The following SEM1 variants were observed in gnomAD, a reference collection of about 807,000 sequenced individuals.
SEM1 encodes the protein 26S proteasome complex subunit SEM1.
A neutral mutation model predicts 12.7 loss-of-function variants in SEM1; 3 were observed. The observed-to-expected ratio is 0.24, with a 90% confidence interval of 0.11 to 0.61. The LOEUF (loss-of-function observed/expected upper bound fraction) is 0.61. SEM1 is among the 20% of genes least tolerant of loss of function. The pLI is 0.88. For synonymous variants in SEM1, 30 were observed against 27.8 expected, an observed-to-expected ratio of 1.08 and a Z score of -0.25; for missense variants, 59 against 81.3, an observed-to-expected ratio of 0.73 and a Z score of 1.06.
chr7:96,646,053 C>T, intron 2 of SEM1: 1 of 395,642 alleles, frequency 2.5e-6, no homozygotes, highest in Non-Finnish European at 4.5e-6. Context: ...AGATATATAT[C>T]CCTCCCTATT....
chr7:96,636,486 A>C (rs1387361606), intron 2 of SEM1, among the ~76,000 whole-genome samples: 2 of 152,008 alleles, frequency 1.3e-5, no homozygotes, highest in Non-Finnish European at 2.9e-5. Context: ...GTGAAGTTAG[A>C]AATGGAGAAA....
At chr7:96,520,944 C>G (rs906914453) in intron 2 of SEM1, among the ~76,000 whole-genome samples, 2 of 151,982 alleles carry the variant, frequency 1.3e-5, no homozygotes, top group Non-Finnish European at 2.9e-5. Context: ...CTGAGAGCCC[C>G]GTAATTCTCA....
chr7:96,615,855 A>C (rs1209311234), intron 2 of SEM1, among the ~76,000 whole-genome samples: 3 of 152,046 alleles, frequency 2.0e-5, no homozygotes, highest in African/African-American at 7.2e-5. Context: ...AAGTTATTTC[A>C]CTTAGGATAA....
At chr7:96,532,009 C>G (rs1345217584) in intron 2 of SEM1, among the ~76,000 whole-genome samples, 1 of 152,000 alleles carries the variant, frequency 6.6e-6, no homozygotes, top group Non-Finnish European at 1.5e-5. Flanking sequence ...TTCTTGAGAT[C>G]CCATGGCCTC....
chr7:96,484,008 A>G (rs1802651321), intron 3 of SEM1: 1 of 1,477,208 alleles, frequency 6.8e-7, no homozygotes, highest in Admixed American at 2.4e-5. Flanking sequence ...AGAATGATAA[A>G]TGCTGTGGGC....
chr7:96,565,842 C>T (rs1389543493), intron 2 of SEM1, among the ~76,000 whole-genome samples: 1 of 151,754 alleles, frequency 6.6e-6, no homozygotes, highest in Non-Finnish European at 1.5e-5. Context: ...AAATATCAAC[C>T]TCTCAACAAG....
At chr7:96,571,885 T>C (rs1806042493) in intron 2 of SEM1, among the ~76,000 whole-genome samples, 1 of 151,356 alleles carries the variant, frequency 6.6e-6, no homozygotes, top group Admixed American at 6.6e-5. Context: ...GCTTCTCTTT[T>C]AGAACTGGGC....
At chr7:96,485,630 C>T (rs1437829456) in intron 2 of SEM1, among the ~76,000 whole-genome samples, 2 of 137,752 alleles carry the variant, frequency 1.5e-5, no homozygotes, top group East Asian at 2.1e-4. Flanking sequence ...GCAACCTTGG[C>T]CTCCTGGGTT....
intron 1 of SEM1, among the ~76,000 whole-genome samples, chr7:96,495,219 A>G (rs916437198): frequency 6.6e-6 from 1 of 152,220 alleles, no homozygotes; most frequent in Non-Finnish European, 1.5e-5. Context: ...CATGCAGCCA[A>G]ATTAGCTCAT....
At chr7:96,541,982 T>C (rs988775905) in intron 2 of SEM1, among the ~76,000 whole-genome samples, 5 of 146,578 alleles carry the variant, frequency 3.4e-5, no homozygotes, top group Non-Finnish European at 7.5e-5. Context: ...GCATGCTCTT[T>C]GGGTTGCTGT....
intron 2 of SEM1, among the ~76,000 whole-genome samples, chr7:96,568,620 GC>G (rs1805924581): frequency 6.6e-6 from 1 of 151,234 alleles, no homozygotes; most frequent in African/African-American, 2.4e-5. Flanking sequence ...CACCTTTTTT[GC>G]CTCCTTCAGG....
intron 2 of SEM1, among the ~76,000 whole-genome samples, chr7:96,594,704 G>A (rs1401572658): frequency 6.6e-6 from 1 of 152,128 alleles, no homozygotes; most frequent in Non-Finnish European, 1.5e-5. Context: ...AATAAAACAA[G>A]TGAGAATTTC....
chr7:96,614,901 TAGTA>T (rs1807662626), intron 2 of SEM1, among the ~76,000 whole-genome samples: 1 of 152,224 alleles, frequency 6.6e-6, no homozygotes, highest in South Asian at 2.1e-4. Context: ...GGAGAGTTTA[TAGTA>T]TAAGGTCACA....
intron 1 of SEM1, among the ~76,000 whole-genome samples, chr7:96,699,305 CTGAGT>C (rs1335188469): frequency 6.6e-6 from 1 of 152,128 alleles, no homozygotes; most frequent in Non-Finnish European, 1.5e-5. Flanking sequence ...TAGTCCTCAC[CTGAGT>C]TATTTCGACA....
chr7:96,512,219 T>G (rs1803956316), intron 2 of SEM1, among the ~76,000 whole-genome samples: 1 of 151,908 alleles, frequency 6.6e-6, no homozygotes, highest in South Asian at 2.1e-4. Context: ...GTTTTGAGAA[T>G]AGAGTAGGGA....
At chr7:96,512,853 C>T (rs1298281934) in intron 2 of SEM1, among the ~76,000 whole-genome samples, 1 of 151,806 alleles carries the variant, frequency 6.6e-6, no homozygotes, top group East Asian at 1.9e-4. Context: ...TTGATATTTA[C>T]AAAAAAAGCA....
intron 2 of SEM1, among the ~76,000 whole-genome samples, chr7:96,628,004 C>T (rs567860355): frequency 6.6e-6 from 1 of 152,066 alleles, no homozygotes; most frequent in Non-Finnish European, 1.5e-5. Flanking sequence ...AAATTGACCC[C>T]TTTATCATTA....
At chr7:96,689,060 C>T in intron 2 of SEM1, 94 bp from the exon 3 acceptor site, 1 of 725,378 alleles carries the variant, frequency 1.4e-6, no homozygotes, top group Non-Finnish European at 2.3e-6. Context: ...ATGAGCTATG[C>T]CTGAGACATC....
intron 2 of SEM1, among the ~76,000 whole-genome samples, chr7:96,581,763 C>T (rs946037160): frequency 1.4e-4 from 21 of 151,624 alleles, no homozygotes; most frequent in African/African-American, 3.1e-4. Context: ...CATGATTTGG[C>T]TCTCTGTTTG....
Sources: allele counts gnomAD v4.1 joint callset (sites outside exome capture counted in the v4.1 genomes callset), GRCh38; gene constraint gnomAD v4.1.1; transcripts MANE v1.5; gene names NCBI Gene and HGNC (gene_info 2026-07-23, HGNC 2026-07-21).